ZSCAN12: variants seen among roughly 807,000 people sequenced by gnomAD.
ZSCAN12 encodes zinc finger and SCAN domain-containing protein 12.
Under a neutral mutation model 23.4 loss-of-function variants are expected in ZSCAN12, and 18 were observed. The ratio of observed to expected loss-of-function variants is 0.77; its 90% CI spans 0.53 to 1.14. ZSCAN12 has a LOEUF of 1.14. ZSCAN12 is among the 50% of genes most tolerant of loss of function. ZSCAN12 has a pLI of 0.00. For synonymous variants in ZSCAN12, 186 were observed against 253.4 expected, an observed-to-expected ratio of 0.73 and a Z score of 2.53; for missense variants, 650 against 735.0, an observed-to-expected ratio of 0.88 and a Z score of 1.34.
exon 5 of ZSCAN12, chr6:28,379,290 A>G (rs1210453394): frequency 6.6e-6 from 1 of 152,176 alleles, no homozygotes; most frequent in African/African-American, 2.4e-5. Flanking sequence ...TAGGCTATAC[A>G]TGAAGTATAT....
downstream of ZSCAN12, chr6:28,382,272 A>G: frequency 1.8e-6 from 1 of 544,122 alleles, no homozygotes; most frequent in Non-Finnish European, 2.9e-6. Flanking sequence ...CTCAGGAACT[A>G]CTGGCAAAGC....
In ZSCAN12 at chr6:28,390,339, T is replaced by TA. The variant is rs150686870; in HGVS notation, c.*114dup. 0.064 allele frequency: 51,172 copies of TA among 804,234 alleles called. 2,350 individuals are homozygous for TA. Among genetic ancestry groups the TA allele is most frequent in the South Asian group, 0.17 (9,158 of 53,552 alleles). 49.8% of individuals were successfully genotyped at this position (804,234 alleles called of 1,614,324 possible). ...TGGGCAGCACACAGTGAATTCTTAT[T>TA]AAATATCTGAGGTTTCCTTATAACA... On this transcript the variant is annotated 3_prime_UTR_variant, in exon 4 of 4. Transcript: ENST00000684592.
intron 2 of ZSCAN12, among the ~76,000 whole-genome samples, chr6:28,397,351 C>G (rs922301408): frequency 6.6e-6 from 1 of 152,184 alleles, no homozygotes; most frequent in African/African-American, 2.4e-5. Flanking sequence ...TTACATCTTA[C>G]AATTAGTAAA....
chr6:28,396,745 C>T (rs1056039417), intron 2 of ZSCAN12, among the ~76,000 whole-genome samples: 2 of 152,102 alleles, frequency 1.3e-5, no homozygotes, highest in African/African-American at 4.8e-5. Context: ...CCTGGGATTA[C>T]AGGCATGTCC....
At chr6:28,382,530 G>A (rs1760306488), downstream of ZSCAN12, 3 of 1,551,892 alleles carry the variant, frequency 1.9e-6, no homozygotes, top group Middle Eastern at 3.3e-4. Flanking sequence ...TCTGGAATGA[G>A]AGAGCTCAGG....
Position 28,391,815 on chromosome 6 carries a change from GT to G in ZSCAN12, c.548-74del. On this transcript the variant is annotated intron_variant, in intron 3 of 3. Coordinates refer to ENST00000684592, the MANE Select transcript of ZSCAN12 (RefSeq NM_001163391.2). The surrounding 1 kb of genome is among the most constrained non-coding windows in gnomAD (Gnocchi z 4.1). ...CCATACATTTTAATATTAAGCAGCT[GT>G]TTAGAAATAAAAAATGCAAGAGTCT... is the stretch of plus-strand genomic sequence containing the variant. The G allele has an allele frequency of 8.0e-7, 1 of 1,257,242 alleles. No individual in the cohort carries two copies. Among genetic ancestry groups the G allele is most frequent in the Non-Finnish European group, 1.1e-6 (1 of 942,674 alleles). 77.9% of individuals were successfully genotyped at this position (1,257,242 alleles called of 1,614,324 possible).
chr6:28,398,081 G>GCTC lies in ZSCAN12; in HGVS notation c.322_324dup (p.Glu108dup). On this transcript the variant is annotated inframe_insertion, in exon 2 of 4. Transcript: ENST00000684592. ...ACCTCCTCCCCACTCTCTGGATGCTGCTCCTGCACCCAGGCCTGGAGCTCC... is the reference window on the plus strand; with the variant it reads ...ACCTCCTCCCCACTCTCTGGATGCTGCTCCTCCTGCACCCAGGCCTGGAGCTCC... The GCTC allele has an allele frequency of 1.1e-5, 17 of 1,613,834 alleles. No individual in the cohort carries two copies. Among genetic ancestry groups the GCTC allele is most frequent in the Non-Finnish European group, 1.4e-5 (17 of 1,179,842 alleles).
rs932013110 is a variant in ZSCAN12 at position 28,387,319 on chromosome 6, A to C, written c.*3135T>G. On this transcript the variant is annotated 3_prime_UTR_variant, in exon 4 of 4. Coordinates refer to ENST00000684592, the MANE Select transcript of ZSCAN12 (RefSeq NM_001163391.2). ...CAGAAAATGAACTGGAAAGACCCCA[A>C]GTAAAGGCACTCAGAGGAGTAGAAG... is the stretch of plus-strand genomic sequence containing the variant. Among the ~76,000 whole-genome samples the C allele has an allele frequency of 6.6e-6, 1 of 152,248 alleles. No individual in the cohort carries two copies. Among genetic ancestry groups the C allele is most frequent in the Non-Finnish European group, 1.5e-5 (1 of 68,036 alleles).
At chr6:28,396,069 G>A (rs1248894449) in intron 2 of ZSCAN12, among the ~76,000 whole-genome samples, 5 of 149,176 alleles carry the variant, frequency 3.4e-5, no homozygotes, top group African/African-American at 7.5e-5. Context: ...GCCCAGGCTG[G>A]AGTGCAGTGG....
chr6:28,383,273 T>G (rs1760370877), downstream of ZSCAN12, among the ~76,000 whole-genome samples: 1 of 152,174 alleles, frequency 6.6e-6, no homozygotes, highest in South Asian at 2.1e-4. Context: ...CCTCAAAACT[T>G]GGAAGTCATC....
Position 28,390,445 on chromosome 6 carries a change from C to G in ZSCAN12, c.*9G>C, listed in dbSNP as rs375236272. On this transcript the variant is annotated 3_prime_UTR_variant, in exon 4 of 4. Transcript: ENST00000684592. ...GCCTGAACTCTGTGAGATAACTTCC[C>G]TGTAGTCATCACACAGAAACAGATT... The G allele has an allele frequency of 8.2e-5, 125 of 1,524,368 alleles. No homozygotes were observed. Among genetic ancestry groups the G allele is most frequent in the Non-Finnish European group, 1.1e-4 (123 of 1,133,834 alleles). 94.4% of individuals were successfully genotyped at this position (1,524,368 alleles called of 1,614,324 possible). A position where few individuals can be genotyped will look rare whatever the true frequency, so the allele number is the denominator to read the frequency against.
intron 2 of ZSCAN12, among the ~76,000 whole-genome samples, chr6:28,395,673 T>C (rs1345730395): frequency 1.3e-5 from 2 of 152,216 alleles, no homozygotes; most frequent in African/African-American, 4.8e-5. Flanking sequence ...TGACTTTCCA[T>C]CTCAGAATAC....
At position 28,391,175 on chromosome 6, in the gene ZSCAN12, C is replaced by G. The variant is rs1235357239; in HGVS notation, c.1115G>C (p.Gly372Ala). 11 of 1,550,780 alleles carry G rather than the reference C, an allele frequency of 7.1e-6. No homozygotes were observed. Among genetic ancestry groups the G allele is most frequent in the East Asian group, 2.4e-5 (1 of 40,846 alleles). ...GTGGATCTTGATATGGTGAAAGAGGCCTGCTTTCTGACTAAAGGCTTTGCC... is the reference window on the plus strand; with the variant it reads ...GTGGATCTTGATATGGTGAAAGAGGGCTGCTTTCTGACTAAAGGCTTTGCC... ...DCGKAFSQKA[G>A]LFHHIKIHTR... Residue 372 changes from glycine (G) to alanine (A), a missense_variant, in exon 4 of 4, where the codon GGC (glycine) becomes GCC (alanine). Transcript: ENST00000684592. The surrounding 1 kb of genome is among the most constrained non-coding windows in gnomAD (Gnocchi z 4.1).
chr6:28,396,551 A>T (rs1349347473), intron 2 of ZSCAN12, among the ~76,000 whole-genome samples: 1 of 152,108 alleles, frequency 6.6e-6, no homozygotes, highest in Non-Finnish European at 1.5e-5. Context: ...TACCTAAGAC[A>T]TGCCTCATCC....
Position 28,390,184 on chromosome 6 carries a change from G to A in ZSCAN12, c.*270C>T. ...CCACTTTCATTCGACACCATCTGGT[G>A]CATCAATTCTACTCTCCTGTAGTCT... On this transcript the variant is annotated 3_prime_UTR_variant, in exon 4 of 4. Coordinates refer to ENST00000684592, the MANE Select transcript of ZSCAN12 (RefSeq NM_001163391.2). Among the ~76,000 whole-genome samples the A allele has an allele frequency of 6.6e-6, 1 of 152,154 alleles. No individual in the cohort carries two copies. Among genetic ancestry groups the A allele is most frequent in the East Asian group, 1.9e-4 (1 of 5,196 alleles).
In ZSCAN12 at chr6:28,398,068, C is replaced by G; in HGVS notation, c.338G>C (p.Ser113Thr). The G allele has an allele frequency of 6.2e-7, 1 of 1,613,552 alleles. No individual in the cohort carries two copies. The highest frequency in any genetic ancestry group is 8.5e-7 in the Non-Finnish European group (1 of 1,179,650). Reference protein sequence around the residue: ...QAWVQEQHPESGEEVVTVLED... With the variant: ...QAWVQEQHPETGEEVVTVLED... ...CAGCACAGTCACCACCTCCTCCCCA[C>G]TCTCTGGATGCTGCTCCTGCACCCA... Residue 113 changes from serine (S) to threonine (T), a missense_variant, in exon 2 of 4, where the codon AGT (serine) becomes ACT (threonine). Transcript: ENST00000684592.
In ZSCAN12 at chr6:28,387,538, G is replaced by A. The variant is rs893954762; in HGVS notation, c.*2916C>T. Reference sequence around the variant, plus strand: ...ATCACTAAGTAAAGTCCCCTCCACTGAGAAGAGTTTCTAACAGTGAAACAG... The same window carrying A: ...ATCACTAAGTAAAGTCCCCTCCACTAAGAAGAGTTTCTAACAGTGAAACAG... On this transcript the variant is annotated 3_prime_UTR_variant, in exon 4 of 4. Coordinates refer to ENST00000684592, the MANE Select transcript of ZSCAN12 (RefSeq NM_001163391.2). 6.6e-6 allele frequency among the ~76,000 whole-genome samples: 1 copy of A among 152,144 alleles called. No individual in the cohort carries two copies. The highest frequency in any genetic ancestry group is 1.5e-5 in the Non-Finnish European group (1 of 68,024).
At chr6:28,397,727 C>T (rs1244858076) in intron 2 of ZSCAN12, among the ~76,000 whole-genome samples, 1 of 152,154 alleles carries the variant, frequency 6.6e-6, no homozygotes, top group African/African-American at 2.4e-5. Flanking sequence ...CTACTGTCAT[C>T]TCTTTGATAC....
chr6:28,382,894 A>C (rs1047417237), downstream of ZSCAN12, among the ~76,000 whole-genome samples: 1 of 151,668 alleles, frequency 6.6e-6, no homozygotes, highest in African/African-American at 2.4e-5. Context: ...AACATCAGAA[A>C]TGAAAAATAA....
Sources: allele counts gnomAD v4.1 joint callset (sites outside exome capture counted in the v4.1 genomes callset), GRCh38; gene constraint gnomAD v4.1.1; non-coding constraint Gnocchi (gnomAD v3.1); transcripts MANE v1.5; gene names NCBI Gene and HGNC (gene_info 2026-07-23, HGNC 2026-07-21).